Variants in AFTPH observed in about 807,000 individuals in gnomAD.
The protein encoded by AFTPH is aftiphilin protein.
AFTPH carries 7 observed loss-of-function variants against 72.5 expected under a neutral mutation model. The ratio of observed to expected loss-of-function variants is 0.10; its 90% CI spans 0.05 to 0.18. The LOEUF (loss-of-function observed/expected upper bound fraction) is 0.18. Among genes scored for constraint, AFTPH ranks in the 10% least tolerant of loss-of-function variants. The pLI is 1.00. For missense variants in AFTPH, 979 were observed against 1,060.5 expected, an observed-to-expected ratio of 0.92 and a Z score of 1.07; for synonymous variants, 337 against 370.1, an observed-to-expected ratio of 0.91 and a Z score of 1.03.
chr2:64,531,683 G>A (rs984233426), intron 1 of AFTPH, among the ~76,000 whole-genome samples: 7 of 152,148 alleles, frequency 4.6e-5, no homozygotes, highest in Admixed American at 4.6e-4. Context: ...TGATTTCAGT[G>A]TAAAATACAC....
intron 2 of AFTPH, among the ~76,000 whole-genome samples, chr2:64,557,039 T>G (rs1671420564): frequency 6.6e-6 from 1 of 152,186 alleles, no homozygotes; most frequent in South Asian, 2.1e-4. Flanking sequence ...AAACCTTCCT[T>G]ACATTTCAAA....
At chr2:64,590,386 T>C (rs941773939) in intron 8 of AFTPH, among the ~76,000 whole-genome samples, 5 of 152,216 alleles carry the variant, frequency 3.3e-5, no homozygotes, top group Non-Finnish European at 7.3e-5. Context: ...ATATTTTGGC[T>C]AGAATGCATC....
intron 2 of AFTPH, among the ~76,000 whole-genome samples, chr2:64,558,067 A>G (rs1230995318): frequency 6.6e-6 from 1 of 152,232 alleles, no homozygotes; most frequent in Non-Finnish European, 1.5e-5. Context: ...GTGCTGCAGC[A>G]TAAGATATCC....
intron 1 of AFTPH, among the ~76,000 whole-genome samples, chr2:64,537,252 A>G (rs1441968514): frequency 6.6e-6 from 1 of 152,186 alleles, no homozygotes; most frequent in Non-Finnish European, 1.5e-5. Flanking sequence ...AATGGAAACA[A>G]CAGACACCAG....
chr2:64,568,833 A>G (rs1356624080), intron 3 of AFTPH, among the ~76,000 whole-genome samples: 1 of 152,154 alleles, frequency 6.6e-6, no homozygotes, highest in African/African-American at 2.4e-5. Flanking sequence ...GCTGGTCTAG[A>G]ACTGCTGACC....
chr2:64,552,575 C>T, exon 2 of AFTPH: 1 of 1,614,110 alleles, frequency 6.2e-7, no homozygotes, highest in Non-Finnish European at 8.5e-7. Context: ...AATGTGCTCA[C>T]CTATGCATGG....
rs557371588 is a variant in AFTPH, at chr2:64,528,920, T to C, written c.-33+4308T>C. On this transcript the variant is annotated intron_variant, in intron 1 of 8. Coordinates refer to ENST00000238856, the Ensembl canonical transcript of AFTPH. ...TGTAAAAGGATCTGTCTAGCTGTTA[T>C]ATAGAAAATAGACTATAGGAGTGGA... Among the ~76,000 whole-genome samples the C allele has an allele frequency of 3.3e-4, 50 of 152,320 alleles. 1 individual carries two copies. In the South Asian group the frequency reaches 0.01, roughly 31 times the overall value.
intron 8 of AFTPH, among the ~76,000 whole-genome samples, chr2:64,586,072 C>T (rs1673484265): frequency 6.6e-6 from 1 of 152,180 alleles, no homozygotes; most frequent in East Asian, 1.9e-4. Flanking sequence ...GAGCAATTAC[C>T]ATCTCCCTGT....
chr2:64,567,359 T>C (rs947231950), intron 2 of AFTPH, among the ~76,000 whole-genome samples: 10 of 152,244 alleles, frequency 6.6e-5, no homozygotes, highest in African/African-American at 4.8e-5. Context: ...GCCAGCTACG[T>C]AGCTCATCAT....
At chr2:64,529,774 C>T (rs565134224) in intron 1 of AFTPH, among the ~76,000 whole-genome samples, 2 of 151,902 alleles carry the variant, frequency 1.3e-5, no homozygotes, top group African/African-American at 4.8e-5. Flanking sequence ...GGACCACGGG[C>T]GCACACCACC....
chr2:64,568,891 C>A (rs1263535698), intron 3 of AFTPH, among the ~76,000 whole-genome samples: 1 of 152,174 alleles, frequency 6.6e-6, no homozygotes, highest in Non-Finnish European at 1.5e-5. Context: ...GGATTACAGG[C>A]GTGAGCCACC....
chr2:64,537,517 C>T, intron 1 of AFTPH, among the ~76,000 whole-genome samples: 1 of 152,176 alleles, frequency 6.6e-6, no homozygotes, highest in East Asian at 1.9e-4. Flanking sequence ...CCAATATATA[C>T]TCCTACCAAT....
chr2:64,570,681 T>G lies in AFTPH; in HGVS notation c.2271+1002T>G, dbSNP rs552781952. Among the ~76,000 whole-genome samples, 156 of 152,258 alleles carry G rather than the reference T, an allele frequency of 1.0e-3. 1 individual carries two copies. The highest frequency in any genetic ancestry group is 6.8e-3 in the Middle Eastern group (2 of 294). ...TTGGATTTCTCTTTTTCTCAAGGAG[T>G]AGCAATCCAGAGGTTGTTGATGTTA... On this transcript the variant is annotated intron_variant, in intron 5 of 8. Transcript: ENST00000238856.
chr2:64,542,729 T>A (rs1670332052), intron 1 of AFTPH, among the ~76,000 whole-genome samples: 1 of 152,092 alleles, frequency 6.6e-6, no homozygotes, highest in South Asian at 2.1e-4. Flanking sequence ...ACTTCATGTA[T>A]CTTTAGTGTG....
At chr2:64,531,637 G>A (rs1018972792) in intron 1 of AFTPH, among the ~76,000 whole-genome samples, 7 of 152,186 alleles carry the variant, frequency 4.6e-5, no homozygotes, top group Non-Finnish European at 1.0e-4. Flanking sequence ...CTAGCCAAAT[G>A]TGTCACTTGA....
exon 3 of AFTPH, chr2:64,567,589 A>G (rs779494117): frequency 1.9e-6 from 3 of 1,612,026 alleles, no homozygotes; most frequent in Non-Finnish European, 2.5e-6. Flanking sequence ...CCTGGAGCGA[A>G]TTTTCGAAGC....
At chr2:64,540,590 A>C (rs1670186925) in intron 1 of AFTPH, among the ~76,000 whole-genome samples, 1 of 152,190 alleles carries the variant, frequency 6.6e-6, no homozygotes. Context: ...ATTGCTGTTT[A>C]ACAAGGTAAG....
intron 6 of AFTPH, among the ~76,000 whole-genome samples, chr2:64,577,837 A>G (rs1672917597): frequency 6.6e-6 from 1 of 152,242 alleles, no homozygotes. Context: ...AGTTTCCTCC[A>G]TGGTTACATC....
exon 9 of AFTPH, chr2:64,592,185 G>A: frequency 1.5e-6 from 1 of 648,956 alleles, no homozygotes; most frequent in Non-Finnish European, 2.4e-6. Context: ...GGTATACATA[G>A]TAATGTATAT....
Sources: allele counts gnomAD v4.1 joint callset (sites outside exome capture counted in the v4.1 genomes callset), GRCh38; gene constraint gnomAD v4.1.1; transcripts MANE v1.5; gene names NCBI Gene and HGNC (gene_info 2026-07-23, HGNC 2026-07-21).